GHR: variants seen among roughly 807,000 people sequenced by gnomAD.
GHR encodes the protein growth hormone receptor, also known as GH receptor.
Under a neutral mutation model 67.1 loss-of-function variants are expected in GHR, and 35 were observed. The ratio of observed to expected loss-of-function variants is 0.52; its 90% confidence interval spans 0.40 to 0.69. GHR has a LOEUF of 0.69. Among genes scored for constraint, GHR ranks in the 30% least tolerant of loss-of-function variants. The pLI, the probability that GHR is intolerant of heterozygous loss-of-function variation, is 0.00. For synonymous variants in GHR, 272 were observed against 269.1 expected (o/e 1.01, Z -0.10); for missense variants, 792 against 764.6 (o/e 1.04, Z -0.42).
At chr5:42,490,746 T>C (rs1235906507) in intron 1 of GHR, among the ~76,000 whole-genome samples, 2 of 152,220 alleles carry the variant, frequency 1.3e-5, no homozygotes, top group East Asian at 3.8e-4. Context: ...AAGCCACAAG[T>C]ATGTGTGCTG....
intron 3 of GHR, among the ~76,000 whole-genome samples, chr5:42,636,204 C>T (rs1189060569): frequency 9.1e-5 from 10 of 109,292 alleles, no homozygotes; most frequent in South Asian, 3.0e-4. Flanking sequence ...AGCGAGACCC[C>T]GTTTCAAAAA....
rs60284979 is a variant in GHR at position 42,536,320 on chromosome 5, T to A, written c.-11-29544T>A. 4.5e-3 allele frequency among the ~76,000 whole-genome samples: 685 copies of A among 152,320 alleles called. 3 individuals are homozygous for A. Among genetic ancestry groups the A allele is most frequent in the African/African-American group, 0.016 (663 of 41,572 alleles). On this transcript the variant is annotated intron_variant, in intron 1 of 9. Transcript: ENST00000230882. ...TGGGTTTGTCATAAATGGCTTTTAT[T>A]ACATTGAGGTATGCCCCTTGTATGC... is the stretch of plus-strand genomic sequence containing the variant.
At chr5:42,704,213 G>A (rs1167900215) in intron 6 of GHR, among the ~76,000 whole-genome samples, 1 of 151,782 alleles carries the variant, frequency 6.6e-6, no homozygotes, top group African/African-American at 2.4e-5. Context: ...GGCCTTTATT[G>A]TGTTGAAATA....
intron 3 of GHR, among the ~76,000 whole-genome samples, chr5:42,666,509 A>G (rs1755985419): frequency 6.6e-6 from 1 of 152,192 alleles, no homozygotes; most frequent in South Asian, 2.1e-4. Context: ...TTAATGTTGC[A>G]TTTAGGAAAA....
rs139633559 is a variant in GHR at position 42,539,232 on chromosome 5, A to G, written c.-11-26632A>G. On this transcript the variant is annotated intron_variant, in intron 1 of 9. Transcript: ENST00000230882. ...TTGGATCCATTGCTAGTGGACTAGT[A>G]TTACTTTTGGGGGGTGTTAAAGAGC... is the stretch of plus-strand genomic sequence containing the variant. Among the ~76,000 whole-genome samples the G allele has an allele frequency of 8.5e-5, 13 of 152,090 alleles. 1 individual carries two copies. In the East Asian group the frequency reaches 2.5e-3, roughly 29 times the overall value.
intron 1 of GHR, among the ~76,000 whole-genome samples, chr5:42,448,694 A>G (rs1167650631): frequency 6.6e-6 from 1 of 151,554 alleles, no homozygotes; most frequent in African/African-American, 2.4e-5. Flanking sequence ...GTTTTTGCTC[A>G]TGAGTTCTTT....
At chr5:42,606,187 A>G (rs1238694253) in intron 2 of GHR, among the ~76,000 whole-genome samples, 5 of 152,058 alleles carry the variant, frequency 3.3e-5, no homozygotes, top group African/African-American at 9.7e-5. Context: ...TGATTTTATC[A>G]TTGGATTGAG....
intron 3 of GHR, among the ~76,000 whole-genome samples, chr5:42,641,341 G>T (rs947117917): frequency 2.6e-5 from 4 of 152,134 alleles, no homozygotes; most frequent in Admixed American, 2.6e-4. Context: ...TGTATAGGTG[G>T]GGTTCTTGTA....
At chr5:42,592,142 T>C (rs1751814610) in intron 2 of GHR, among the ~76,000 whole-genome samples, 1 of 152,188 alleles carries the variant, frequency 6.6e-6, no homozygotes, top group African/African-American at 2.4e-5. Context: ...GCTGTGGTAG[T>C]TTTTGGAGCA....
chr5:42,464,122 G>C (rs925937903), intron 1 of GHR, among the ~76,000 whole-genome samples: 6 of 145,232 alleles, frequency 4.1e-5, no homozygotes, highest in Non-Finnish European at 8.9e-5. Context: ...TAGATGCTCA[G>C]TCTTCTGACT....
intron 6 of GHR, among the ~76,000 whole-genome samples, chr5:42,700,628 A>C (rs1211360203): frequency 6.6e-6 from 1 of 152,152 alleles, no homozygotes; most frequent in East Asian, 1.9e-4. Flanking sequence ...TAACAAGAGG[A>C]AAAACAGGAG....
intron 1 of GHR, among the ~76,000 whole-genome samples, chr5:42,488,259 C>A (rs140776313): frequency 1.2e-3 from 189 of 152,226 alleles, no homozygotes; most frequent in African/African-American, 4.1e-3. Flanking sequence ...GTACACATGA[C>A]AATTTGGTAA....
chr5:42,488,347 G>T (rs922650313), intron 1 of GHR, among the ~76,000 whole-genome samples: 2 of 152,140 alleles, frequency 1.3e-5, no homozygotes, highest in African/African-American at 4.8e-5. Context: ...AAGTTAACTC[G>T]TAAGTAAATG....
At chr5:42,664,893 T>C (rs1019421261) in intron 3 of GHR, among the ~76,000 whole-genome samples, 1 of 151,792 alleles carries the variant, frequency 6.6e-6, no homozygotes, top group Non-Finnish European at 1.5e-5. Flanking sequence ...CAAACAAATC[T>C]ACAGGAAAAA....
At chr5:42,689,271 C>T (rs1463579981) in intron 4 of GHR, among the ~76,000 whole-genome samples, 2 of 152,176 alleles carry the variant, frequency 1.3e-5, no homozygotes, top group South Asian at 4.2e-4. Flanking sequence ...CCTTCCAATG[C>T]AGGGAGACAG....
intron 1 of GHR, among the ~76,000 whole-genome samples, chr5:42,483,917 C>A (rs1286641169): frequency 6.6e-6 from 1 of 152,158 alleles, no homozygotes; most frequent in African/African-American, 2.4e-5. Flanking sequence ...CCAGGGCTAG[C>A]ATTTGACTCT....
At chr5:42,479,868 T>G (rs1259353003) in intron 1 of GHR, among the ~76,000 whole-genome samples, 6 of 152,200 alleles carry the variant, frequency 3.9e-5, no homozygotes, top group Non-Finnish European at 8.8e-5. Context: ...TTGAATGGTT[T>G]TTTGTGTCTC....
At chr5:42,497,516 A>G (rs924581385) in intron 1 of GHR, among the ~76,000 whole-genome samples, 3 of 152,198 alleles carry the variant, frequency 2.0e-5, no homozygotes, top group Admixed American at 1.3e-4. Context: ...GGATTGCCAA[A>G]CTACAGGCCA....
At chr5:42,502,413 C>G (rs1385474504) in intron 1 of GHR, among the ~76,000 whole-genome samples, 2 of 152,138 alleles carry the variant, frequency 1.3e-5, no homozygotes, top group Admixed American at 1.3e-4. Context: ...GCTTTAGGAT[C>G]CAGAATCTTA....
Sources: allele counts gnomAD v4.1 joint callset (sites outside exome capture counted in the v4.1 genomes callset), GRCh38; gene constraint gnomAD v4.1.1; transcripts MANE v1.5; gene names NCBI Gene and HGNC (gene_info 2026-07-23, HGNC 2026-07-21).